KCNH5: variants seen among roughly 807,000 people sequenced by gnomAD.
KCNH5 encodes the protein potassium voltage-gated channel subfamily H member 5.
KCNH5 carries 46 observed loss-of-function variants against 96.1 expected under a neutral mutation model. The observed-to-expected ratio is 0.48, with a 90% CI of 0.38 to 0.61. The LOEUF is 0.61. Ranked by LOEUF, KCNH5 falls within the 20% of genes least tolerant of loss-of-function variation. KCNH5 has a pLI of 0.00. For synonymous variants in KCNH5, 439 were observed against 449.8 expected (o/e 0.98, Z 0.30); for missense variants, 907 against 1,225.8 (o/e 0.74, Z 3.88).
chr14:62,949,339 C>G (rs996119096), intron 7 of KCNH5, among the ~76,000 whole-genome samples: 1 of 152,182 alleles, frequency 6.6e-6, no homozygotes, highest in Non-Finnish European at 1.5e-5. Context: ...AAAGTACAAT[C>G]TTAAGGTTAG....
intron 3 of KCNH5, 45 bp from the exon 4 acceptor site, chr14:63,001,504 G>A (rs766079169): frequency 3.5e-5 from 55 of 1,552,876 alleles, no homozygotes; most frequent in Admixed American, 2.3e-4. Context: ...AGTGTGGCAC[G>A]GCCACAGCAG....
chr14:62,737,541 C>A lies in KCNH5; in HGVS notation c.2020-29086G>T, dbSNP rs1382771568. Among the ~76,000 whole-genome samples the A allele has an allele frequency of 3.3e-5, 5 of 152,122 alleles. No individual in the cohort carries two copies. In the South Asian group the frequency reaches 1.0e-3, roughly 32 times the overall value. ...CCTCACAGCATTCTCCTGAGGATCA[C>A]CTTGGATGATGCATATAAAAGTGCA... On this transcript the variant is annotated intron_variant, in intron 10 of 10. Transcript: ENST00000322893.
chr14:62,983,949 G>A (rs970386769), intron 5 of KCNH5, among the ~76,000 whole-genome samples: 42 of 152,100 alleles, frequency 2.8e-4, no homozygotes, highest in Non-Finnish European at 4.9e-4. Context: ...AAAAGGAGGA[G>A]GAAAGGGTAG....
chr14:62,927,618 A>G (rs1889500846), intron 7 of KCNH5, among the ~76,000 whole-genome samples: 1 of 152,138 alleles, frequency 6.6e-6, no homozygotes, highest in Non-Finnish European at 1.5e-5. Context: ...ATGCTAAGTG[A>G]AATAATTCAG....
chr14:62,965,204 T>C (rs1189742220), intron 6 of KCNH5, among the ~76,000 whole-genome samples: 3 of 152,054 alleles, frequency 2.0e-5, no homozygotes, highest in East Asian at 3.9e-4. Context: ...ATGTGGTTTG[T>C]CCCACCAAAA....
Position 62,708,360 on chromosome 14 carries a change from T to G in KCNH5, c.2115A>C (p.Pro705=), listed in dbSNP as rs752192065. Reference sequence around the variant, plus strand: ...TGAACTTCTGGAAGAGCTTTCTGACTGGGTGGTCCACGGGAATGCTGAGGG... The same window carrying G: ...TGAACTTCTGGAAGAGCTTTCTGACGGGGTGGTCCACGGGAATGCTGAGGG... ...EVTLSIPVDH[P]VRKLFQKFKQ... is the part of the protein sequence containing the mutation. The change falls in exon 11 of 11, where the codon CCA becomes CCC. Residue 705 remains proline (P), a synonymous_variant. Coordinates refer to ENST00000322893, the MANE Select transcript of KCNH5 (RefSeq NM_139318.5). 1.2e-6 allele frequency: 2 copies of G among 1,614,060 alleles called. No individual in the cohort carries two copies. The highest frequency in any genetic ancestry group is 2.2e-5 in the South Asian group (2 of 91,080).
At chr14:62,830,512 A>G (rs1309027585) in intron 8 of KCNH5, among the ~76,000 whole-genome samples, 3 of 152,156 alleles carry the variant, frequency 2.0e-5, no homozygotes, top group Non-Finnish European at 4.4e-5. Context: ...TGAAGCAACG[A>G]CCTTATTCAC....
At chr14:63,034,855 C>T (rs1192348486) in intron 1 of KCNH5, among the ~76,000 whole-genome samples, 4 of 152,152 alleles carry the variant, frequency 2.6e-5, no homozygotes, top group Non-Finnish European at 4.4e-5. Flanking sequence ...GATTTCTCCA[C>T]AAAATGTTTA....
chr14:62,720,481 G>C (rs1284509284), intron 10 of KCNH5, among the ~76,000 whole-genome samples: 1 of 152,188 alleles, frequency 6.6e-6, no homozygotes, highest in Non-Finnish European at 1.5e-5. Context: ...TACTCGGGAG[G>C]CTGAGGCAGG....
intron 8 of KCNH5, among the ~76,000 whole-genome samples, chr14:62,821,897 C>T (rs1887121156): frequency 6.6e-6 from 1 of 152,032 alleles, no homozygotes; most frequent in South Asian, 2.1e-4. Flanking sequence ...AAAAATGTTC[C>T]TGGAGGTGAA....
chr14:62,791,900 G>T (rs1331144915), intron 9 of KCNH5, among the ~76,000 whole-genome samples: 1 of 151,464 alleles, frequency 6.6e-6, no homozygotes, highest in African/African-American at 2.4e-5. Flanking sequence ...TACTCGACTT[G>T]AACTGTATTC....
At position 62,981,010 on chromosome 14, in the gene KCNH5, C is replaced by T. The variant is rs143478382; in HGVS notation, c.804G>A (p.Thr268=). 6.2e-7 allele frequency: 1 copy of T among 1,614,152 alleles called. No homozygotes were observed. Among genetic ancestry groups the T allele is most frequent in the Non-Finnish European group, 8.5e-7 (1 of 1,180,032 alleles). ...CCTCTCCACCGGGCCCCACGAAAGT[C>T]GTGTGAAAATTTAAAACGATGTCAA... ...FLVDIVLNFH[T]TFVGPGGEVI... The change falls in exon 6 of 11, where the codon ACG becomes ACA. Residue 268 remains threonine (T), a synonymous_variant. Transcript: ENST00000322893.
At chr14:62,952,501 C>T (rs944895874) in intron 6 of KCNH5, among the ~76,000 whole-genome samples, 1 of 152,008 alleles carries the variant, frequency 6.6e-6, no homozygotes, top group Non-Finnish European at 1.5e-5. Flanking sequence ...TAAAGAAACG[C>T]ATAATCGAAA....
chr14:62,891,402 C>A (rs1888708334), intron 7 of KCNH5, among the ~76,000 whole-genome samples: 1 of 152,048 alleles, frequency 6.6e-6, no homozygotes, highest in African/African-American at 2.4e-5. Flanking sequence ...CTGGGGTCTA[C>A]TTGAGGGTGG....
At chr14:63,033,940 A>T (rs1329179564) in intron 1 of KCNH5, among the ~76,000 whole-genome samples, 1 of 152,096 alleles carries the variant, frequency 6.6e-6, no homozygotes, top group Non-Finnish European at 1.5e-5. Context: ...TTTTGCTTTG[A>T]GACAGAATCT....
chr14:62,853,438 C>T (rs1887848635), intron 7 of KCNH5, among the ~76,000 whole-genome samples: 3 of 62,324 alleles, frequency 4.8e-5, no homozygotes, highest in Non-Finnish European at 8.8e-5. Context: ...AAATCATTTC[C>T]CAAACAAAAA....
chr14:62,997,606 C>T (rs10132410), intron 4 of KCNH5, among the ~76,000 whole-genome samples: 40,217 of 151,766 alleles, frequency 0.26, 6,128 homozygotes, highest in East Asian at 0.58. Flanking sequence ...ATTGTTGGAT[C>T]CAATTTTTGT....
At chr14:62,877,711 A>T (rs535273799) in intron 7 of KCNH5, among the ~76,000 whole-genome samples, 1 of 151,690 alleles carries the variant, frequency 6.6e-6, no homozygotes, top group South Asian at 2.1e-4. Context: ...GCTGGAGAGG[A>T]TGTGGAGAAA....
chr14:62,756,565 A>G lies in KCNH5; in HGVS notation c.2019+23163T>C, dbSNP rs183670232. Among the ~76,000 whole-genome samples the G allele has an allele frequency of 2.6e-3, 392 of 152,272 alleles. 2 individuals carry two copies. Among genetic ancestry groups the G allele is most frequent in the African/African-American group, 9.2e-3 (383 of 41,588 alleles). ...CTTCAAATTATACAACAGAGCTACT[A>G]TAACTAAAACAGCATGGTACTGGGA... On this transcript the variant is annotated intron_variant, in intron 10 of 10. Transcript: ENST00000322893.
Sources: allele counts gnomAD v4.1 joint callset (sites outside exome capture counted in the v4.1 genomes callset), GRCh38; gene constraint gnomAD v4.1.1; transcripts MANE v1.5; gene names NCBI Gene and HGNC (gene_info 2026-07-23, HGNC 2026-07-21).